Variants in PPFIBP1 observed in about 807,000 individuals in gnomAD.
PPFIBP1 encodes liprin-beta-1.
In PPFIBP1, 112 loss-of-function variants were observed where a neutral mutation model predicts 137.8. The observed-to-expected ratio is 0.81, with a 90% CI of 0.70 to 0.95. PPFIBP1 has a LOEUF of 0.95. Among genes scored for constraint, PPFIBP1 ranks in the 40% least tolerant of loss-of-function variants. The pLI is 0.00. For synonymous variants in PPFIBP1, 378 were observed against 417.3 expected (o/e 0.91, Z 1.15); for missense variants, 1,083 against 1,196.6 (o/e 0.91, Z 1.40).
chr12:27,532,084 C>T (rs773296306), intron 1 of PPFIBP1, among the ~76,000 whole-genome samples: 42 of 152,170 alleles, frequency 2.8e-4, no homozygotes, highest in Non-Finnish European at 7.3e-5. Context: ...TCTTGGCACA[C>T]GACATGCACT....
chr12:27,630,273 C>T (rs914676966), intron 2 of PPFIBP1, among the ~76,000 whole-genome samples: 20 of 151,858 alleles, frequency 1.3e-4, no homozygotes, highest in African/African-American at 4.1e-4. Context: ...TTGTCTAATT[C>T]TCCCTTAACA....
chr12:27,688,978 T>C (rs577519647), intron 26 of PPFIBP1, 37 bp from the exon 27 acceptor site: 49 of 1,579,210 alleles, frequency 3.1e-5, no homozygotes, highest in Non-Finnish European at 4.2e-5. Context: ...TGATTTGTGG[T>C]GACTTTTGAC....
At chr12:27,551,825 A>G (rs547987139) in intron 1 of PPFIBP1, among the ~76,000 whole-genome samples, 52 of 152,380 alleles carry the variant, frequency 3.4e-4, no homozygotes, top group African/African-American at 1.2e-3. Context: ...CTTGAAATAA[A>G]ACAGTATGTT....
At chr12:27,593,820 A>C (rs3751229) in intron 2 of PPFIBP1, 451,285 of 1,245,274 alleles carry the variant, frequency 0.36, 86,275 homozygotes, top group Middle Eastern at 0.41. Context: ...TGAATTTGGT[A>C]TTGTCTCTTC....
At chr12:27,679,840 A>C in intron 20 of PPFIBP1, 93 bp from the exon 21 acceptor site, 1 of 1,487,708 alleles carries the variant, frequency 6.7e-7, no homozygotes, top group Non-Finnish European at 9.2e-7. Context: ...AAAGAGGATT[A>C]GTTCCAGTAG....
intron 1 of PPFIBP1, among the ~76,000 whole-genome samples, chr12:27,567,704 T>A (rs900834255): frequency 6.6e-6 from 1 of 152,104 alleles, no homozygotes; most frequent in African/African-American, 2.4e-5. Flanking sequence ...GGAAAAAAAA[T>A]AAACTGGTAA....
intron 2 of PPFIBP1, among the ~76,000 whole-genome samples, chr12:27,595,881 AACAAAATATATATATATATAT>A (rs1565837632): frequency 2.7e-3 from 87 of 32,576 alleles, no homozygotes; most frequent in African/African-American, 9.8e-3. Context: ...CAACAACAAC[AACAAAATATATATATATATAT>A]ATATATATAT....
At chr12:27,675,296 G>C (rs1381632005) in intron 17 of PPFIBP1, among the ~76,000 whole-genome samples, 1 of 152,074 alleles carries the variant, frequency 6.6e-6, no homozygotes, top group Admixed American at 6.6e-5. Context: ...TAAAATCCTT[G>C]TTGTCTTTTC....
intron 2 of PPFIBP1, among the ~76,000 whole-genome samples, chr12:27,615,080 T>C (rs1296611844): frequency 2.0e-5 from 3 of 152,138 alleles, no homozygotes; most frequent in African/African-American, 7.2e-5. Flanking sequence ...CCTAGGAAGG[T>C]TTGACACCAT....
At chr12:27,569,515 TC>T (rs2049964151) in intron 1 of PPFIBP1, among the ~76,000 whole-genome samples, 1 of 152,154 alleles carries the variant, frequency 6.6e-6, no homozygotes, top group Non-Finnish European at 1.5e-5. Context: ...TCTCACATGT[TC>T]CTACTCACCT....
At chr12:27,526,791 C>CGTT (rs1201416121) in intron 1 of PPFIBP1, among the ~76,000 whole-genome samples, 1 of 152,122 alleles carries the variant, frequency 6.6e-6, no homozygotes, top group Non-Finnish European at 1.5e-5. Context: ...GCTGAGATCT[C>CGTT]GTTATTGCAC....
intron 1 of PPFIBP1, among the ~76,000 whole-genome samples, chr12:27,527,496 A>C (rs1048531421): frequency 3.3e-5 from 5 of 151,230 alleles, no homozygotes; most frequent in Non-Finnish European, 7.4e-5. Context: ...ACCCACCTTG[A>C]CCTCCCAAAG....
At position 27,673,812 on chromosome 12, in the gene PPFIBP1, A is replaced by G. The variant is rs1565989077; in HGVS notation, c.1365A>G (p.Lys455=). The G allele has an allele frequency of 1.9e-6, 3 of 1,613,536 alleles. No individual in the cohort carries two copies. The highest frequency in any genetic ancestry group is 2.5e-6 in the Non-Finnish European group (3 of 1,179,660). ...QKSSSLGNLK[K]ETSDGEKETI... ...CCAGCAGCCTGGGCAATCTGAAGAA[A>G]GAGACATCTGATGGGGTGGGTTCTG... The change falls in exon 16 of 30, where the codon AAA becomes AAG. Residue 455 remains lysine, a synonymous_variant. Transcript: ENST00000228425.
At chr12:27,583,232 T>C (rs1220561786) in intron 2 of PPFIBP1, among the ~76,000 whole-genome samples, 1 of 152,182 alleles carries the variant, frequency 6.6e-6, no homozygotes, top group African/African-American at 2.4e-5. Flanking sequence ...GTTCAACAAA[T>C]AAACATTATC....
In PPFIBP1 at chr12:27,633,472, C is replaced by T; in HGVS notation, c.64+12C>T. The T allele has an allele frequency of 1.2e-6, 2 of 1,608,360 alleles. No homozygotes were observed. The highest frequency in any genetic ancestry group is 1.7e-6 in the Non-Finnish European group (2 of 1,177,370). ...TGGTATCATAGCAGGTGATCTGCAT[C>T]CTGTGAAAGACAGAATCACAACATT... On this transcript the variant is annotated intron_variant, in intron 3 of 29. Coordinates refer to ENST00000228425, the MANE Select transcript of PPFIBP1 (RefSeq NM_003622.4).
intron 1 of PPFIBP1, among the ~76,000 whole-genome samples, chr12:27,543,898 T>A (rs1945940978): frequency 6.8e-6 from 1 of 147,642 alleles, no homozygotes; most frequent in Non-Finnish European, 1.5e-5. Context: ...TTTTTTTTTT[T>A]AAGACAAGGT....
intron 11 of PPFIBP1, among the ~76,000 whole-genome samples, chr12:27,662,306 G>A (rs2139969284): frequency 6.6e-6 from 1 of 152,242 alleles, no homozygotes; most frequent in Middle Eastern, 3.4e-3. Context: ...CGGGGCGTGG[G>A]GCTGACCACA....
At chr12:27,549,935 C>T (rs896359463) in intron 1 of PPFIBP1, among the ~76,000 whole-genome samples, 5 of 152,142 alleles carry the variant, frequency 3.3e-5, no homozygotes, top group African/African-American at 4.8e-5. Flanking sequence ...GCTGATGTTG[C>T]GTAACCTCCC....
intron 4 of PPFIBP1, among the ~76,000 whole-genome samples, chr12:27,639,028 T>C (rs1209616924): frequency 1.3e-5 from 2 of 152,230 alleles, no homozygotes; most frequent in East Asian, 3.8e-4. Context: ...TGCAGGTTAT[T>C]TCTTTGCTGC....
Sources: gnomAD v4.1 joint callset for allele counts (sites outside exome capture counted in the v4.1 genomes callset) on GRCh38, gnomAD v4.1.1 for gene constraint, MANE v1.5 for transcripts, NCBI Gene and HGNC (gene_info 2026-07-23, HGNC 2026-07-21) for gene names.